NKAIN2: variants seen among roughly 807,000 people sequenced by gnomAD.
NKAIN2 encodes sodium/potassium transporting ATPase interacting 2.
Under a neutral mutation model 32.6 loss-of-function variants are expected in NKAIN2, and 14 were observed. That is an observed-to-expected ratio of 0.43 (90% CI 0.28 to 0.67). The LOEUF is 0.67. NKAIN2 is among the 30% of genes least tolerant of loss of function. The probability of loss-of-function intolerance (pLI) is 0.17; values close to 1 mark genes in which losing one functional copy is unlikely to be tolerated. For synonymous variants in NKAIN2, 80 were observed against 87.2 expected (o/e 0.92, Z 0.46); for missense variants, 198 against 258.3 (o/e 0.77, Z 1.60).
intron 2 of NKAIN2, among the ~76,000 whole-genome samples, chr6:124,348,306 G>C (rs1798540242): frequency 6.6e-6 from 1 of 152,198 alleles, no homozygotes; most frequent in South Asian, 2.1e-4. Context: ...TGAGGAGGCA[G>C]TCTGCCCGTT....
intron 4 of NKAIN2, among the ~76,000 whole-genome samples, chr6:124,697,520 C>T (rs1305737838): frequency 1.1e-4 from 17 of 152,066 alleles, no homozygotes. Flanking sequence ...CACTAGAGCT[C>T]TCCTAAATGA....
intron 3 of NKAIN2, among the ~76,000 whole-genome samples, chr6:124,611,084 G>C (rs1022454016): frequency 3.9e-5 from 6 of 152,038 alleles, no homozygotes; most frequent in Non-Finnish European, 5.9e-5. Flanking sequence ...CATTAATCAA[G>C]CAGTTTTCCT....
intron 1 of NKAIN2, among the ~76,000 whole-genome samples, chr6:124,236,369 C>T (rs1582899449): frequency 6.6e-6 from 1 of 151,972 alleles, no homozygotes; most frequent in African/African-American, 2.4e-5. Context: ...ACGTGTGGGT[C>T]GGAGCCCATA....
At chr6:124,011,253 C>A (rs369722145) in intron 1 of NKAIN2, among the ~76,000 whole-genome samples, 1 of 151,902 alleles carries the variant, frequency 6.6e-6, no homozygotes, top group East Asian at 1.9e-4. Context: ...TCCATTCACA[C>A]CTCACTCTCT....
At chr6:124,112,114 A>G (rs1029939708) in intron 1 of NKAIN2, among the ~76,000 whole-genome samples, 66 of 152,204 alleles carry the variant, frequency 4.3e-4, no homozygotes, top group African/African-American at 1.6e-3. Context: ...CAATAATACA[A>G]TATTTTATAT....
intron 3 of NKAIN2, among the ~76,000 whole-genome samples, chr6:124,562,213 G>A (rs997125173): frequency 1.3e-5 from 2 of 152,110 alleles, no homozygotes; most frequent in Non-Finnish European, 2.9e-5. Context: ...TCACCAAAAA[G>A]AGAAATTTAC....
At chr6:124,125,486 A>G (rs138378205) in intron 1 of NKAIN2, among the ~76,000 whole-genome samples, 217 of 152,306 alleles carry the variant, frequency 1.4e-3, no homozygotes, top group African/African-American at 4.9e-3. Flanking sequence ...GATGGTAGGG[A>G]AAAGTATGGG....
chr6:124,741,622 A>T (rs926681908), intron 4 of NKAIN2, among the ~76,000 whole-genome samples: 4 of 151,892 alleles, frequency 2.6e-5, no homozygotes. Flanking sequence ...CTGAACTTCC[A>T]CTTAACCTCA....
intron 4 of NKAIN2, among the ~76,000 whole-genome samples, chr6:124,700,870 T>TCACACACACACA (rs1562331736): frequency 2.3e-4 from 26 of 114,790 alleles, no homozygotes; most frequent in African/African-American, 8.8e-4. Context: ...GTCTCTTTCC[T>TCACACACACACA]GACACACACA....
chr6:124,216,497 C>T (rs1791485294), intron 1 of NKAIN2, among the ~76,000 whole-genome samples: 1 of 152,198 alleles, frequency 6.6e-6, no homozygotes, highest in South Asian at 2.1e-4. Context: ...AGCCAAGCAA[C>T]ACTCTGCCTT....
At chr6:123,945,174 C>G (rs1777006815) in intron 1 of NKAIN2, among the ~76,000 whole-genome samples, 1 of 151,994 alleles carries the variant, frequency 6.6e-6, no homozygotes, top group Non-Finnish European at 1.5e-5. Context: ...GTATTTTAAA[C>G]CTAGCACAGG....
chr6:124,678,558 A>G (rs1013297982), intron 4 of NKAIN2, among the ~76,000 whole-genome samples: 8 of 152,006 alleles, frequency 5.3e-5, no homozygotes, highest in Non-Finnish European at 7.4e-5. Context: ...TCTAAAATTC[A>G]TTTGGTTCGT....
At chr6:124,325,419 C>T (rs995488370) in intron 2 of NKAIN2, among the ~76,000 whole-genome samples, 23 of 151,952 alleles carry the variant, frequency 1.5e-4, no homozygotes, top group Non-Finnish European at 2.8e-4. Flanking sequence ...GTTGAAAAAA[C>T]ATGTCCACAG....
chr6:124,799,816 C>CA (rs1780172793), intron 5 of NKAIN2, among the ~76,000 whole-genome samples: 1 of 152,100 alleles, frequency 6.6e-6, no homozygotes, highest in Non-Finnish European at 1.5e-5. Flanking sequence ...AATGAATAAA[C>CA]AAAAACCTTG....
intron 1 of NKAIN2, among the ~76,000 whole-genome samples, chr6:123,922,770 A>G (rs1439848093): frequency 2.0e-5 from 3 of 152,170 alleles, no homozygotes; most frequent in Non-Finnish European, 4.4e-5. Flanking sequence ...TATTGGATAT[A>G]AGAGGTAGGA....
At chr6:123,907,530 A>G (rs1263949168) in intron 1 of NKAIN2, among the ~76,000 whole-genome samples, 3 of 152,164 alleles carry the variant, frequency 2.0e-5, no homozygotes, top group Non-Finnish European at 2.9e-5. Context: ...CTGGAACCCC[A>G]GTTTTCCATG....
At chr6:124,109,134 A>T (rs570076902) in intron 1 of NKAIN2, among the ~76,000 whole-genome samples, 16 of 151,968 alleles carry the variant, frequency 1.1e-4, no homozygotes, top group Non-Finnish European at 2.1e-4. Context: ...GATTCTGCAT[A>T]TTGATTTGGG....
intron 4 of NKAIN2, among the ~76,000 whole-genome samples, chr6:124,711,534 C>T (rs1372872504): frequency 6.6e-6 from 1 of 150,782 alleles, no homozygotes; most frequent in Non-Finnish European, 1.5e-5. Flanking sequence ...ATTCTTTTTT[C>T]TCTAAACTTC....
intron 1 of NKAIN2, among the ~76,000 whole-genome samples, chr6:124,275,748 G>T (rs540227659): frequency 6.6e-6 from 1 of 152,168 alleles, no homozygotes; most frequent in East Asian, 1.9e-4. Flanking sequence ...ATCTCTAACT[G>T]AAATAGTCTG....
Sources: allele counts gnomAD v4.1 joint callset (sites outside exome capture counted in the v4.1 genomes callset), GRCh38; gene constraint gnomAD v4.1.1; transcripts MANE v1.5; gene names NCBI Gene and HGNC (gene_info 2026-07-23, HGNC 2026-07-21).